The following ACADL variants were observed in gnomAD, a reference collection of about 807,000 sequenced individuals.
ACADL encodes long-chain specific acyl-CoA dehydrogenase, mitochondrial.
Under a neutral mutation model 56.9 loss-of-function variants are expected in ACADL, and 60 were observed. The ratio of observed to expected loss-of-function variants is 1.05; its 90% CI spans 0.86 to 1.31. ACADL has a LOEUF of 1.31. ACADL is among the 50% of genes most tolerant of loss of function. ACADL has a pLI of 0.00. For synonymous variants in ACADL, 158 were observed against 179.7 expected (o/e 0.88, Z 0.97); for missense variants, 484 against 525.5 (o/e 0.92, Z 0.77).
intron 5 of ACADL, among the ~76,000 whole-genome samples, chr2:210,206,795 T>TC (rs2125713283): frequency 6.6e-6 from 1 of 152,318 alleles, no homozygotes; most frequent in Admixed American, 6.5e-5. Flanking sequence ...ATGTTTCTTT[T>TC]CTTTTTTTTA....
Position 210,216,346 on chromosome 2 carries a change from C to T in ACADL, c.536+1G>A. On this transcript the variant is annotated splice_donor_variant, in intron 4 of 10. Transcript: ENST00000233710. LOFTEE classifies it high-confidence loss of function. ...CCAAAGCCAACTAAATATTAACTTA[C>T]CTTCCAGCTCCAGGCTCTGTCATTG... 1 of 1,613,514 alleles carries T rather than the reference C, an allele frequency of 6.2e-7. No homozygotes were observed. The highest frequency in any genetic ancestry group is 8.5e-7 in the Non-Finnish European group (1 of 1,179,666).
intron 4 of ACADL, among the ~76,000 whole-genome samples, chr2:210,212,952 T>C (rs1423261930): frequency 6.6e-6 from 1 of 152,216 alleles, no homozygotes; most frequent in Non-Finnish European, 1.5e-5. Context: ...GTTCCCACCA[T>C]TCCCAGTACT....
intron 8 of ACADL, 71 bp downstream of exon 8, chr2:210,203,260 C>A: frequency 9.7e-7 from 1 of 1,034,386 alleles, no homozygotes; most frequent in Non-Finnish European, 1.5e-6. Context: ...CTCCAAACTT[C>A]TATTTACCCC....
intron 8 of ACADL, among the ~76,000 whole-genome samples, chr2:210,199,478 A>G (rs564590367): frequency 3.3e-5 from 5 of 152,272 alleles, no homozygotes; most frequent in African/African-American, 9.6e-5. Flanking sequence ...AATACAATAA[A>G]TATATATTTT....
chr2:210,193,961 ATAAT>A (rs1220530623), intron 9 of ACADL, among the ~76,000 whole-genome samples: 3 of 152,232 alleles, frequency 2.0e-5, no homozygotes, highest in African/African-American at 7.2e-5. Context: ...TATTAACAAT[ATAAT>A]TATTAATAGA....
intron 5 of ACADL, among the ~76,000 whole-genome samples, chr2:210,206,862 C>T (rs1219592970): frequency 6.6e-6 from 1 of 152,046 alleles, no homozygotes; most frequent in Non-Finnish European, 1.5e-5. Context: ...TAGCTCTTTG[C>T]AGCCTCAAAC....
chr2:210,189,475 G>T (rs1367139281), intron 10 of ACADL, among the ~76,000 whole-genome samples: 2 of 152,082 alleles, frequency 1.3e-5, no homozygotes, highest in African/African-American at 4.8e-5. Context: ...AAAGAAAAAA[G>T]ATACATATTT....
chr2:210,199,999 C>T (rs1011373290), intron 8 of ACADL, among the ~76,000 whole-genome samples: 2 of 152,176 alleles, frequency 1.3e-5, no homozygotes, highest in Non-Finnish European at 2.9e-5. Flanking sequence ...CCTGCCTAGG[C>T]CTCCCAACGT....
At position 210,188,044 on chromosome 2, in the gene ACADL, ATC is replaced by A. The variant is rs1164710605; in HGVS notation, c.*915_*916del. The stretch of plus-strand genomic sequence containing the variant: ...TTACATTGCACTTATGCTTGAAATT[ATC>A]TCTTTTACATATTTACTTCTTACCT... On this transcript the variant is annotated 3_prime_UTR_variant, in exon 11 of 11. Coordinates refer to ENST00000233710, the MANE Select transcript of ACADL (RefSeq NM_001608.4). 2.0e-5 allele frequency: 3 copies of A among 152,190 alleles called. No homozygotes were observed. Among genetic ancestry groups the A allele is most frequent in the African/African-American group, 7.2e-5 (3 of 41,454 alleles). 9.4% of individuals were successfully genotyped at this position (152,190 alleles called of 1,614,324 possible).
At chr2:210,209,887 A>G (rs935649953) in intron 5 of ACADL, 2 of 271,344 alleles carry the variant, frequency 7.4e-6, no homozygotes, top group East Asian at 1.7e-4. Flanking sequence ...TTTAAGTATT[A>G]TTAATATTTG....
Position 210,216,437 on chromosome 2 carries a change from C to G in ACADL, c.446G>C (p.Gly149Ala). 3 of 1,613,798 alleles carry G rather than the reference C, an allele frequency of 1.9e-6. No individual in the cohort carries two copies. The highest frequency in any genetic ancestry group is 2.5e-6 in the Non-Finnish European group (3 of 1,179,806). The part of the protein sequence containing the change: ...GIVMSYITNH[G>A]SEEQIKHFIP... ...AAAGTGCTTAATCTGTTCTTCTGAG[C>G]CATGGTTTGTAATATAGGACATGAC... The change falls in exon 4 of 11, where the codon GGC becomes GCC. Residue 149 changes from glycine to alanine, a missense_variant. By Grantham distance (60) the Gly-to-Ala change is moderately conservative. Coordinates refer to ENST00000233710, the MANE Select transcript of ACADL (RefSeq NM_001608.4).
At chr2:210,190,147 A>G (rs1688608625) in intron 10 of ACADL, among the ~76,000 whole-genome samples, 1 of 152,018 alleles carries the variant, frequency 6.6e-6, no homozygotes, top group Non-Finnish European at 1.5e-5. Context: ...ATTCTTCTCC[A>G]TATTCATCAG....
chr2:210,212,858 T>C (rs182132579), intron 4 of ACADL, among the ~76,000 whole-genome samples: 5 of 152,326 alleles, frequency 3.3e-5, no homozygotes, highest in Non-Finnish European at 5.9e-5. Flanking sequence ...AGAATTAATA[T>C]AGCAGGCCTG....
intron 1 of ACADL, among the ~76,000 whole-genome samples, chr2:210,221,155 G>A (rs775540631): frequency 8.5e-5 from 13 of 152,166 alleles, no homozygotes; most frequent in Non-Finnish European, 1.8e-4. Flanking sequence ...GTACGGTAGA[G>A]TAATACTGAT....
At chr2:210,189,888 T>C (rs1458831979) in intron 10 of ACADL, among the ~76,000 whole-genome samples, 1 of 152,228 alleles carries the variant, frequency 6.6e-6, no homozygotes, top group African/African-American at 2.4e-5. Context: ...CAACACATCA[T>C]TGGCAGACTG....
chr2:210,219,276 A>G (rs896903511), intron 2 of ACADL, among the ~76,000 whole-genome samples: 10 of 152,216 alleles, frequency 6.6e-5, no homozygotes, highest in Non-Finnish European at 8.8e-5. Context: ...CTACCAGAGC[A>G]AAGTGTACAA....
At chr2:210,222,339 G>A (rs909233940) in intron 1 of ACADL, among the ~76,000 whole-genome samples, 18 of 151,956 alleles carry the variant, frequency 1.2e-4, no homozygotes, top group African/African-American at 4.1e-4. Flanking sequence ...CTGGGGGGAG[G>A]CAGAGACAGA....
In ACADL at chr2:210,218,009, T is replaced by A; in HGVS notation, c.327A>T (p.Gly109=). The change falls in exon 3 of 11, where the codon GGA becomes GGT. Residue 109 remains glycine, a synonymous_variant. Coordinates refer to ENST00000233710, the MANE Select transcript of ACADL (RefSeq NM_001608.4). The part of the protein sequence containing the change: ...LGVNIAEHLG[G]IGGDLYSAAI... ...CTGCGGAGTACAGATCCCCTCCAAT[T>A]CCACCAAGATGCTCTGCAATATTGA... 6.2e-7 allele frequency: 1 copy of A among 1,614,028 alleles called. No individual in the cohort carries two copies. Among genetic ancestry groups the A allele is most frequent in the Non-Finnish European group, 8.5e-7 (1 of 1,179,990 alleles).
chr2:210,221,183 A>G (rs1044845952), intron 1 of ACADL, among the ~76,000 whole-genome samples: 23 of 152,228 alleles, frequency 1.5e-4, no homozygotes, highest in African/African-American at 5.1e-4. Flanking sequence ...CATATCATAT[A>G]CAATGTTTAA....
Sources: allele counts gnomAD v4.1 joint callset (sites outside exome capture counted in the v4.1 genomes callset), GRCh38; gene constraint gnomAD v4.1.1; transcripts MANE v1.5; gene names NCBI Gene and HGNC (gene_info 2026-07-23, HGNC 2026-07-21).